The following BCO1 variants were observed in gnomAD, a reference collection of about 807,000 sequenced individuals.
BCO1 encodes beta-carotene oxygenase 1.
Under a neutral mutation model 56.3 loss-of-function variants are expected in BCO1, and 54 were observed. The observed-to-expected ratio is 0.96, with a 90% CI of 0.77 to 1.20. The LOEUF is 1.20. BCO1 is among the 50% of genes most tolerant of loss of function. The pLI, the probability that BCO1 is intolerant of heterozygous loss-of-function variation, is 0.00. For synonymous variants in BCO1, 318 were observed against 266.1 expected (o/e 1.20, Z -1.90); for missense variants, 801 against 690.9 (o/e 1.16, Z -1.79).
intron 2 of BCO1, among the ~76,000 whole-genome samples, chr16:81,259,364 C>G (rs1315719537): frequency 6.6e-6 from 1 of 152,068 alleles, no homozygotes; most frequent in Non-Finnish European, 1.5e-5. Flanking sequence ...CGTGGTGGCG[C>G]ATGCCTATAA....
At chr16:81,261,499 T>A (rs1051905850) in intron 3 of BCO1, among the ~76,000 whole-genome samples, 1 of 152,124 alleles carries the variant, frequency 6.6e-6, no homozygotes, top group Non-Finnish European at 1.5e-5. Context: ...CCGTTACGGG[T>A]TCATATACGA....
intron 3 of BCO1, among the ~76,000 whole-genome samples, chr16:81,261,398 A>C (rs1325380877): frequency 6.6e-6 from 1 of 152,208 alleles, no homozygotes; most frequent in Non-Finnish European, 1.5e-5. Context: ...TTTTAAATTA[A>C]AAACTAATTT....
intron 1 of BCO1, among the ~76,000 whole-genome samples, chr16:81,240,022 T>A (rs1905043253): frequency 6.6e-6 from 1 of 152,122 alleles, no homozygotes; most frequent in Non-Finnish European, 1.5e-5. Context: ...AACATCAGAT[T>A]GAAGCTTTTC....
At chr16:81,259,829 G>A (rs1256632153) in intron 3 of BCO1, 24 bp downstream of exon 3, 2 of 1,614,058 alleles carry the variant, frequency 1.2e-6, no homozygotes, top group Non-Finnish European at 1.7e-6. Context: ...TTAAATCTGA[G>A]CAAATTTCAT....
chr16:81,283,434 A>G (rs1907992444), intron 8 of BCO1, among the ~76,000 whole-genome samples: 1 of 152,082 alleles, frequency 6.6e-6, no homozygotes. Flanking sequence ...TATTTAAAAA[A>G]AAAAATACAA....
intron 5 of BCO1, among the ~76,000 whole-genome samples, chr16:81,266,606 C>G (rs966592449): frequency 6.6e-6 from 1 of 152,112 alleles, no homozygotes; most frequent in African/African-American, 2.4e-5. Context: ...ATATAGGGGT[C>G]AAGCTCAGAA....
intron 6 of BCO1, among the ~76,000 whole-genome samples, chr16:81,269,065 C>CTTTTTTTTTT (rs71146003): frequency 4.8e-5 from 4 of 83,070 alleles, no homozygotes; most frequent in African/African-American, 1.7e-4. Flanking sequence ...TGCACCTGGT[C>CTTTTTTTTTT]TTTTTTTTTT....
chr16:81,254,206 G>T (rs1238656828), intron 2 of BCO1, among the ~76,000 whole-genome samples: 3 of 151,564 alleles, frequency 2.0e-5, no homozygotes, highest in African/African-American at 4.8e-5. Flanking sequence ...TCAGCTCACT[G>T]CAACCTCTGC....
chr16:81,278,103 G>A (rs532137680), intron 7 of BCO1, among the ~76,000 whole-genome samples: 17 of 152,130 alleles, frequency 1.1e-4, no homozygotes, highest in African/African-American at 3.9e-4. Flanking sequence ...GTGCAGTGAC[G>A]CGATCTCGGC....
intron 5 of BCO1, among the ~76,000 whole-genome samples, chr16:81,265,745 A>G (rs1906779122): frequency 6.9e-6 from 1 of 144,132 alleles, no homozygotes; most frequent in South Asian, 2.2e-4. Context: ...CCATTCATCC[A>G]TCTACATGTT....
At chr16:81,253,840 A>G (rs8050195) in intron 2 of BCO1, among the ~76,000 whole-genome samples, 46,343 of 151,994 alleles carry the variant, frequency 0.3, 8,417 homozygotes, top group African/African-American at 0.5. Flanking sequence ...GCACGCACCT[A>G]TAGTCCCAGT....
intron 3 of BCO1, 129 bp from the exon 4 acceptor site, chr16:81,262,007 G>A: frequency 8.8e-7 from 1 of 1,131,438 alleles, no homozygotes; most frequent in East Asian, 2.4e-5. Flanking sequence ...CTCCCACAGT[G>A]CTGGGATTAC....
intron 5 of BCO1, among the ~76,000 whole-genome samples, chr16:81,265,384 A>G (rs1906749431): frequency 7.1e-6 from 1 of 141,800 alleles, no homozygotes; most frequent in Admixed American, 7.0e-5. Flanking sequence ...CCATGAATCC[A>G]TTCAACCATC....
chr16:81,290,276 C>G, intron 10 of BCO1, 72 bp from the exon 11 acceptor site: 1 of 1,236,232 alleles, frequency 8.1e-7, no homozygotes, highest in Non-Finnish European at 1.2e-6. Context: ...GGCAGAGAGA[C>G]ATGCTGAGAA....
chr16:81,286,768 G>C (rs1194937442), intron 9 of BCO1, among the ~76,000 whole-genome samples: 1 of 151,898 alleles, frequency 6.6e-6, no homozygotes, highest in Non-Finnish European at 1.5e-5. Flanking sequence ...GGTGGCCAGA[G>C]GACCCATGTT....
intron 8 of BCO1, among the ~76,000 whole-genome samples, chr16:81,284,159 C>T (rs930745749): frequency 6.6e-6 from 1 of 151,368 alleles, no homozygotes; most frequent in African/African-American, 2.4e-5. Context: ...AGCCACTGCA[C>T]TCCAGCCCAG....
In BCO1 at chr16:81,270,386, G is replaced by T. The variant is rs773033355; in HGVS notation, c.1071G>T (p.Arg357Ser). 6.2e-7 allele frequency: 1 copy of T among 1,614,094 alleles called. No individual in the cohort carries two copies. The highest frequency in any genetic ancestry group is 1.1e-5 in the South Asian group (1 of 91,064). Reference protein sequence around the residue: ...NSRLTSVPTLRRFAVPLHVDK... With the variant: ...NSRLTSVPTLSRFAVPLHVDK... ...GGCTCACCTCGGTCCCCACCCTCAG[G>T]AGGTTTGCCGTGCCCCTCCACGTGG... Residue 357 changes from arginine to serine, a missense_variant, in exon 7 of 11, where the codon AGG becomes AGT. Physicochemically the swap from Arg to Ser is moderately radical, Grantham distance 110. Transcript: ENST00000258168.
At chr16:81,241,660 C>T (rs765985128) in intron 1 of BCO1, among the ~76,000 whole-genome samples, 5 of 152,156 alleles carry the variant, frequency 3.3e-5, no homozygotes, top group Non-Finnish European at 4.4e-5. Context: ...CTACATCAAG[C>T]CTCCCTATTG....
intron 9 of BCO1, among the ~76,000 whole-genome samples, chr16:81,286,828 G>C (rs557409540): frequency 6.6e-6 from 1 of 151,302 alleles, no homozygotes; most frequent in Non-Finnish European, 1.5e-5. Context: ...TGTAATCCCA[G>C]CATTCTGGGA....
Sources: allele counts gnomAD v4.1 joint callset (sites outside exome capture counted in the v4.1 genomes callset), GRCh38; gene constraint gnomAD v4.1.1; transcripts MANE v1.5; gene names NCBI Gene and HGNC (gene_info 2026-07-23, HGNC 2026-07-21).